EPHB2: variants seen among roughly 807,000 people sequenced by gnomAD.
EPHB2 encodes ephrin type-B receptor 2.
Under a neutral mutation model 96.4 loss-of-function variants are expected in EPHB2, and 18 were observed. That is an observed-to-expected ratio of 0.19 (90% CI 0.13 to 0.28). The LOEUF is 0.28. Among genes scored for constraint, EPHB2 ranks in the 10% least tolerant of loss-of-function variants. The probability of loss-of-function intolerance (pLI) is 1.00; values close to 1 mark genes in which losing one functional copy is unlikely to be tolerated. For missense variants in EPHB2, 989 were observed against 1,355.4 expected (o/e 0.73, Z 4.25); for synonymous variants, 506 against 534.1 (o/e 0.95, Z 0.72).
chr1:22,797,302 A>C (rs1281413784), intron 3 of EPHB2, among the ~76,000 whole-genome samples: 1 of 152,178 alleles, frequency 6.6e-6, no homozygotes, highest in African/African-American at 2.4e-5. Flanking sequence ...CCATGTTGCC[A>C]AGTCAGTGGG....
chr1:22,843,873 A>G (rs1253604836), intron 3 of EPHB2, among the ~76,000 whole-genome samples: 1 of 152,162 alleles, frequency 6.6e-6, no homozygotes, highest in East Asian at 1.9e-4. Context: ...ATGTGTATTC[A>G]ATGTTTAGCT....
At chr1:22,712,511 G>T (rs1643180864) in intron 1 of EPHB2, among the ~76,000 whole-genome samples, 1 of 152,194 alleles carries the variant, frequency 6.6e-6, no homozygotes, top group Admixed American at 6.5e-5. Context: ...GAAAGGCGTC[G>T]TGGGGGACCC....
chr1:22,825,028 G>C (rs1474994290), intron 3 of EPHB2, among the ~76,000 whole-genome samples: 1 of 152,244 alleles, frequency 6.6e-6, no homozygotes, highest in Non-Finnish European at 1.5e-5. Flanking sequence ...GTCATCAGGA[G>C]CTCCTAGAAC....
At chr1:22,744,378 G>A (rs754517773) in intron 1 of EPHB2, among the ~76,000 whole-genome samples, 3 of 151,304 alleles carry the variant, frequency 2.0e-5, no homozygotes, top group Non-Finnish European at 2.9e-5. Context: ...GCCTACTGTC[G>A]ACCAGAAGCC....
chr1:22,867,194 C>T (rs181988533), intron 5 of EPHB2, among the ~76,000 whole-genome samples: 11 of 152,260 alleles, frequency 7.2e-5, no homozygotes, highest in African/African-American at 1.2e-4. Flanking sequence ...GGTCTGATTG[C>T]GCATGTAAGT....
intron 6 of EPHB2, among the ~76,000 whole-genome samples, chr1:22,890,726 G>T (rs1639363597): frequency 6.6e-6 from 1 of 152,090 alleles, no homozygotes. Context: ...GAATCACGGG[G>T]GTGGTTACCC....
intron 3 of EPHB2, among the ~76,000 whole-genome samples, chr1:22,831,724 A>T (rs895501617): frequency 1.3e-5 from 2 of 152,090 alleles, no homozygotes; most frequent in African/African-American, 4.8e-5. Context: ...TGGGAATCCA[A>T]TCCCCGTGGC....
At chr1:22,823,248 T>C (rs1645177659) in intron 3 of EPHB2, among the ~76,000 whole-genome samples, 1 of 152,232 alleles carries the variant, frequency 6.6e-6, no homozygotes, top group Non-Finnish European at 1.5e-5. Context: ...TTAGCTGGCC[T>C]ATGTAGCTAA....
chr1:22,915,191 G>C lies in EPHB2; in HGVS notation c.*1621G>C, dbSNP rs1640234937. ...CCTTCCCCCCACCAGACCTTTGCTG[G>C]GCCTAAAGGTCTTGGCCATGGGGAC... On this transcript the variant is annotated 3_prime_UTR_variant, in exon 16 of 16. Transcript: ENST00000374630. The C allele has an allele frequency of 2.6e-5, 4 of 152,178 alleles. No homozygotes were observed. Among genetic ancestry groups the C allele is most frequent in the African/African-American group, 9.7e-5 (4 of 41,386 alleles). 9.4% of individuals were successfully genotyped at this position (152,178 alleles called of 1,614,324 possible). A position where few individuals can be genotyped will look rare whatever the true frequency, so the allele number is the denominator to read the frequency against.
rs537183572 is a variant in EPHB2, at chr1:22,812,282, C to T, written c.811+27206C>T. Among the ~76,000 whole-genome samples the T allele has an allele frequency of 3.5e-3, 538 of 152,356 alleles. 2 individuals are homozygous for T. Among genetic ancestry groups the T allele is most frequent in the Non-Finnish European group, 5.9e-3 (403 of 68,042 alleles). ...AGCAGTGAAGCTGCGGCCCTGCCCG[C>T]GGGGCCTGAGCTGCTGGAGGCTGGC... On this transcript the variant is annotated intron_variant, in intron 3 of 15. Transcript: ENST00000374630.
intron 1 of EPHB2, among the ~76,000 whole-genome samples, chr1:22,748,607 C>A: frequency 6.6e-6 from 1 of 151,612 alleles, no homozygotes; most frequent in East Asian, 2.0e-4. Context: ...GTCTCGAACT[C>A]CTGACCTCAT....
intron 1 of EPHB2, among the ~76,000 whole-genome samples, chr1:22,738,010 G>T (rs571717577): frequency 6.6e-6 from 1 of 152,124 alleles, no homozygotes; most frequent in Non-Finnish European, 1.5e-5. Context: ...ACCTAGCCTC[G>T]CAGAGGTCTT....
In EPHB2 at chr1:22,860,078, C is replaced by T. The variant is rs780219613; in HGVS notation, c.812-2959C>T. Among the ~76,000 whole-genome samples, 2 of 152,150 alleles carry T rather than the reference C, an allele frequency of 1.3e-5. No individual in the cohort carries two copies. Among genetic ancestry groups the T allele is most frequent in the South Asian group, 2.1e-4 (1 of 4,832 alleles). On this transcript the variant is annotated intron_variant, in intron 3 of 15. Transcript: ENST00000374630. This position sits in a 1 kb window ranked among gnomAD's most constrained non-coding sequence, Gnocchi z 4.6. ...ACGATGTGTCCAGGGTTCACCTGTA[C>T]CGTAGCATGTGTCAATGCTTCGTTC...
At chr1:22,776,875 G>GA (rs1182641697) in intron 1 of EPHB2, among the ~76,000 whole-genome samples, 1 of 152,242 alleles carries the variant, frequency 6.6e-6, no homozygotes, top group Non-Finnish European at 1.5e-5. Context: ...CAGATGGGGA[G>GA]AGGAGGCCCG....
intron 1 of EPHB2, among the ~76,000 whole-genome samples, chr1:22,722,043 G>T (rs1397274979): frequency 1.3e-5 from 2 of 152,150 alleles, no homozygotes; most frequent in East Asian, 3.9e-4. Flanking sequence ...TGCCTCCCAG[G>T]TTCAAGCAAT....
chr1:22,912,554 A>G lies in EPHB2; in HGVS notation c.2807A>G (p.Asn936Ser), dbSNP rs2124144883. 4 of 1,614,066 alleles carry G rather than the reference A, an allele frequency of 2.5e-6. No homozygotes were observed. Among genetic ancestry groups the G allele is most frequent in the African/African-American group, 1.3e-5 (1 of 75,022 alleles). Reference sequence around the variant, plus strand: ...GGGCAGTACAAGGAGAGCTTCGCCAATGCCGGCTTCACCTCCTTTGACGTC... The same window carrying G: ...GGGCAGTACAAGGAGAGCTTCGCCAGTGCCGGCTTCACCTCCTTTGACGTC... ...KMGQYKESFA[N>S]AGFTSFDVVS... The change falls in exon 15 of 16, where the codon AAT becomes AGT. Residue 936 changes from asparagine to serine, a missense_variant. By Grantham distance (46) the Asn-to-Ser change is conservative. Transcript: ENST00000374630.
At chr1:22,735,158 C>A (rs958863328) in intron 1 of EPHB2, among the ~76,000 whole-genome samples, 1 of 152,110 alleles carries the variant, frequency 6.6e-6, no homozygotes, top group African/African-American at 2.4e-5. Context: ...TACGGTGGCT[C>A]ACTCCTATAA....
chr1:22,760,714 C>T (rs1206380962), intron 1 of EPHB2, among the ~76,000 whole-genome samples: 2 of 152,186 alleles, frequency 1.3e-5, no homozygotes, highest in Non-Finnish European at 2.9e-5. Flanking sequence ...GTGTGAGTCA[C>T]TCCTCTGCTG....
At chr1:22,775,302 A>G (rs1644434928) in intron 1 of EPHB2, 2 of 776,638 alleles carry the variant, frequency 2.6e-6, no homozygotes, top group African/African-American at 3.4e-5. Flanking sequence ...TAATAATAGT[A>G]TATACTTCTG....
Sources: gnomAD v4.1 joint callset for allele counts (sites outside exome capture counted in the v4.1 genomes callset) on GRCh38, gnomAD v4.1.1 for gene constraint, Gnocchi (gnomAD v3.1) non-coding constraint, MANE v1.5 for transcripts, NCBI Gene and HGNC (gene_info 2026-07-23, HGNC 2026-07-21) for gene names.